The following HERC1 variants were observed in gnomAD, a reference collection of about 807,000 sequenced individuals.
HERC1 encodes the protein probable E3 ubiquitin-protein ligase HERC1.
A neutral mutation model predicts 554.3 loss-of-function variants in HERC1; 160 were observed. The ratio of observed to expected loss-of-function variants is 0.29; its 90% CI spans 0.25 to 0.33. The LOEUF is 0.33. Among genes scored for constraint, HERC1 ranks in the 10% least tolerant of loss-of-function variants. HERC1 has a pLI of 1.00. For missense variants in HERC1, 4,919 were observed against 5,918.5 expected (o/e 0.83, Z 5.54); for synonymous variants, 2,175 against 2,131.7 (o/e 1.02, Z -0.56).
In HERC1 at chr15:63,677,282, C is replaced by T. The variant is rs889631802; in HGVS notation, c.7070+563G>A. Among the ~76,000 whole-genome samples, 30 of 152,190 alleles carry T rather than the reference C, an allele frequency of 2.0e-4. No individual in the cohort carries two copies. Among genetic ancestry groups the T allele is most frequent in the African/African-American group, 7.0e-4 (29 of 41,442 alleles). ...CTCTGAATTCAAACACACCTAAATG[C>T]TTTTAAATACCCAGTTTGTGTTAAA... On this transcript the variant is annotated intron_variant, in intron 37 of 77. Coordinates refer to ENST00000443617, the MANE Select transcript of HERC1 (RefSeq NM_003922.4). This position sits in a 1 kb window ranked among gnomAD's most constrained non-coding sequence, Gnocchi z 4.4.
chr15:63,627,318 C>T (rs2068342347), intron 70 of HERC1, among the ~76,000 whole-genome samples: 1 of 152,100 alleles, frequency 6.6e-6, no homozygotes, highest in South Asian at 2.1e-4. Flanking sequence ...CACAATGTTG[C>T]TTCAGGGAAA....
At chr15:63,622,675 C>A in intron 74 of HERC1, 140 bp downstream of exon 74, 1 of 574,100 alleles carries the variant, frequency 1.7e-6, no homozygotes, top group South Asian at 2.7e-5. Context: ...AATATTTACT[C>A]CTTAGGGTTA....
intron 30 of HERC1, among the ~76,000 whole-genome samples, chr15:63,693,706 A>G (rs1188135741): frequency 1.3e-5 from 2 of 152,238 alleles, no homozygotes; most frequent in Non-Finnish European, 1.5e-5. Context: ...CTCAGAGCCC[A>G]GACAGCCAAG....
chr15:63,625,242 C>T (rs1253995207), intron 71 of HERC1, among the ~76,000 whole-genome samples: 1 of 152,090 alleles, frequency 6.6e-6, no homozygotes, highest in Admixed American at 6.5e-5. Context: ...TCCCCAAGAC[C>T]CAGAATGCTA....
intron 1 of HERC1, among the ~76,000 whole-genome samples, chr15:63,822,978 TAATGAG>T (rs1361254440): frequency 2.6e-5 from 4 of 152,198 alleles, no homozygotes; most frequent in African/African-American, 7.2e-5. Context: ...TCAGAGGAAA[TAATGAG>T]AATAAGAATC....
At chr15:63,754,135 C>T (rs989225502) in intron 7 of HERC1, among the ~76,000 whole-genome samples, 7 of 151,426 alleles carry the variant, frequency 4.6e-5, no homozygotes, top group Non-Finnish European at 1.0e-4. Flanking sequence ...GTTTGCATCA[C>T]TGCACTCTAG....
intron 74 of HERC1, among the ~76,000 whole-genome samples, chr15:63,621,517 T>C (rs1351066595): frequency 1.3e-5 from 2 of 152,194 alleles, no homozygotes; most frequent in African/African-American, 4.8e-5. Flanking sequence ...ATTCTCTGTA[T>C]TTCCTGAATT....
chr15:63,833,541 C>T (rs985588817), intron 1 of HERC1, among the ~76,000 whole-genome samples: 9 of 152,006 alleles, frequency 5.9e-5, no homozygotes, highest in Non-Finnish European at 1.3e-4. Context: ...TCTCTCGGCC[C>T]TCTCCGCGGG....
chr15:63,655,138 G>A lies in HERC1; in HGVS notation c.10084+604C>T, dbSNP rs964198114. Among the ~76,000 whole-genome samples the A allele has an allele frequency of 5.9e-5, 9 of 152,188 alleles. No individual in the cohort carries two copies. In the East Asian group the frequency reaches 1.6e-3, roughly 26 times the overall value. ...GGAGGTCGAGGTGGGAGGATCACAC[G>A]AGGCCAGGAGTTCAAGACAAGCCTG... is the stretch of plus-strand genomic sequence containing the variant. On this transcript the variant is annotated intron_variant, in intron 50 of 77. Transcript: ENST00000443617.
At chr15:63,658,786 A>C in intron 47 of HERC1, 68 bp from the exon 48 acceptor site, 1 of 1,280,990 alleles carries the variant, frequency 7.8e-7, no homozygotes, top group Non-Finnish European at 1.1e-6. Context: ...TACTAAAAAC[A>C]TTTCCTATTC....
At chr15:63,616,344 CTG>C (rs1204468100) in intron 75 of HERC1, 84 bp downstream of exon 75, 16 of 1,381,030 alleles carry the variant, frequency 1.2e-5, no homozygotes, top group African/African-American at 7.2e-5. Flanking sequence ...AAGTGGAAGA[CTG>C]TATCTCAATT....
chr15:63,636,272 A>ATT, intron 64 of HERC1, 130 bp from the exon 65 acceptor site: 32 of 608,444 alleles, frequency 5.3e-5, no homozygotes, highest in Non-Finnish European at 7.3e-5. Context: ...TAATTTCATT[A>ATT]GTTTTTTTTT....
chr15:63,769,659 G>C (rs2142795283), intron 2 of HERC1, among the ~76,000 whole-genome samples: 1 of 152,030 alleles, frequency 6.6e-6, no homozygotes, highest in South Asian at 2.1e-4. Flanking sequence ...TTCGAGACCA[G>C]CCTGGCCAAC....
Position 63,686,262 on chromosome 15 carries a change from C to T in HERC1, c.6225+97G>A, listed in dbSNP as rs878964532. On this transcript the variant is annotated intron_variant, in intron 34 of 77. Coordinates refer to ENST00000443617, the MANE Select transcript of HERC1 (RefSeq NM_003922.4). ...ATAATAATAGAACATTTACATATCA[C>T]GATTTTTTTTCAGTCTTTCTACACA... The T allele has an allele frequency of 7.2e-5, 62 of 862,092 alleles. 1 individual carries two copies. Among genetic ancestry groups the T allele is most frequent in the South Asian group, 4.6e-4 (23 of 49,990 alleles). The allele number at this position is 862,092 out of a possible 1,614,324, so 53.4% of individuals were successfully genotyped here. A position where few individuals can be genotyped will look rare whatever the true frequency, so the allele number is the denominator to read the frequency against.
At chr15:63,651,500 A>ACG (rs2069675032) in intron 52 of HERC1, 120 bp from the exon 53 acceptor site, 4 of 913,090 alleles carry the variant, frequency 4.4e-6, no homozygotes, top group Non-Finnish European at 6.5e-6. Context: ...CTTCTGTTTC[A>ACG]AAACCTTGGC....
chr15:63,783,746 C>T (rs1229837265), intron 1 of HERC1, among the ~76,000 whole-genome samples: 1 of 152,116 alleles, frequency 6.6e-6, no homozygotes, highest in African/African-American at 2.4e-5. Context: ...CTGATAAAAG[C>T]AGTAGACCGT....
chr15:63,710,947 C>T (rs1354677766), intron 24 of HERC1, among the ~76,000 whole-genome samples: 1 of 152,154 alleles, frequency 6.6e-6, no homozygotes, highest in African/African-American at 2.4e-5. Flanking sequence ...AGCCTATAGA[C>T]CCCTGTAAGG....
chr15:63,631,880 C>T (rs954375520), intron 68 of HERC1, among the ~76,000 whole-genome samples: 9 of 152,196 alleles, frequency 5.9e-5, no homozygotes, highest in Non-Finnish European at 1.2e-4. Context: ...CCCTTTACAT[C>T]ACATGCCCCA....
intron 40 of HERC1, among the ~76,000 whole-genome samples, chr15:63,668,901 C>T (rs1281876568): frequency 6.6e-6 from 1 of 152,110 alleles, no homozygotes; most frequent in Non-Finnish European, 1.5e-5. Context: ...AAGACTTGGA[C>T]AACAGTATCA....
Sources: gnomAD v4.1 joint callset for allele counts (sites outside exome capture counted in the v4.1 genomes callset) on GRCh38, gnomAD v4.1.1 for gene constraint, Gnocchi (gnomAD v3.1) non-coding constraint, MANE v1.5 for transcripts, NCBI Gene and HGNC (gene_info 2026-07-23, HGNC 2026-07-21) for gene names.